ANKRD11: variants seen among roughly 807,000 people sequenced by gnomAD.
The protein encoded by ANKRD11 is ankyrin repeat domain-containing protein 11.
A neutral mutation model predicts 195.7 loss-of-function variants in ANKRD11; 17 were observed. The ratio of observed to expected loss-of-function variants is 0.09; its 90% CI spans 0.06 to 0.13. The LOEUF is 0.13. ANKRD11 is among the 10% of genes least tolerant of loss of function. ANKRD11 has a pLI of 1.00. For missense variants in ANKRD11, 3,735 were observed against 3,566.1 expected (o/e 1.05, Z -1.21); for synonymous variants, 1,953 against 1,528.1 (o/e 1.28, Z -6.49).
At chr16:89,332,890 T>C (rs1290681619) in intron 2 of ANKRD11, among the ~76,000 whole-genome samples, 1 of 152,258 alleles carries the variant, frequency 6.6e-6, no homozygotes, top group Admixed American at 6.5e-5. Flanking sequence ...GCTGCTTTGT[T>C]TTTTAACGCA....
chr16:89,435,914 C>T (rs1481260940), intron 1 of ANKRD11, among the ~76,000 whole-genome samples: 1 of 152,142 alleles, frequency 6.6e-6, no homozygotes, highest in Admixed American at 6.6e-5. Flanking sequence ...GCTGGTGCCG[C>T]CCATCACCTC....
At chr16:89,478,908 C>T (rs191447775) in intron 1 of ANKRD11, among the ~76,000 whole-genome samples, 43 of 152,320 alleles carry the variant, frequency 2.8e-4, no homozygotes, top group African/African-American at 9.9e-4. Context: ...TCACTTGGGC[C>T]CTCCAGACCT....
At chr16:89,364,071 C>CACAA (rs1050741141) in intron 2 of ANKRD11, among the ~76,000 whole-genome samples, 2 of 151,574 alleles carry the variant, frequency 1.3e-5, no homozygotes, top group Non-Finnish European at 2.9e-5. Flanking sequence ...ATTTAAAACA[C>CACAA]ACACACACAC....
chr16:89,447,136 T>G (rs955473097), intron 1 of ANKRD11, among the ~76,000 whole-genome samples: 1 of 151,872 alleles, frequency 6.6e-6, no homozygotes, highest in African/African-American at 2.4e-5. Flanking sequence ...TCGTTCCAAC[T>G]ACAAAGCTCC....
intron 2 of ANKRD11, among the ~76,000 whole-genome samples, chr16:89,390,720 G>GT (rs1473367308): frequency 2.6e-5 from 4 of 152,176 alleles, no homozygotes; most frequent in Non-Finnish European, 5.9e-5. Context: ...GCCAGCACCC[G>GT]TAAGTCCTGC....
rs116417769 is a variant in ANKRD11, at chr16:89,369,913, A to T, written c.-60+48371T>A. On this transcript the variant is annotated intron_variant, in intron 2 of 12. Transcript: ENST00000301030. ...CTCATGTCATCTATGGTTATCTCAG[A>T]AGAAAACAAACAAAAACCAAACACG... 3.7e-3 allele frequency among the ~76,000 whole-genome samples: 567 copies of T among 152,302 alleles called. 2 individuals carry two copies. The highest frequency in any genetic ancestry group is 0.013 in the African/African-American group (547 of 41,552).
chr16:89,276,533 T>A (rs980365449), intron 9 of ANKRD11, among the ~76,000 whole-genome samples: 1 of 152,082 alleles, frequency 6.6e-6, no homozygotes, highest in African/African-American at 2.4e-5. Flanking sequence ...CTAAGAAGCA[T>A]CATCGCAGGC....
intron 2 of ANKRD11, among the ~76,000 whole-genome samples, chr16:89,363,453 T>C (rs529973517): frequency 1.0e-3 from 150 of 149,660 alleles, no homozygotes; most frequent in Middle Eastern, 3.4e-3. Context: ...TGTGCACATG[T>C]ACCCTAAAAG....
intron 9 of ANKRD11, chr16:89,278,627 G>T (rs2033869611): frequency 2.2e-6 from 1 of 460,260 alleles, no homozygotes; most frequent in African/African-American, 2.0e-5. Context: ...GGAGGTGGGG[G>T]AAGGGACTCA....
intron 1 of ANKRD11, among the ~76,000 whole-genome samples, chr16:89,429,145 C>T (rs557288257): frequency 2.1e-5 from 3 of 146,014 alleles, no homozygotes; most frequent in Admixed American, 6.8e-5. Context: ...TCAACTCTCG[C>T]GCTCAGACGT....
intron 1 of ANKRD11, among the ~76,000 whole-genome samples, chr16:89,482,781 A>G (rs1160435812): frequency 6.6e-6 from 1 of 152,156 alleles, no homozygotes; most frequent in Non-Finnish European, 1.5e-5. Context: ...AACAGAGCCG[A>G]GACTCTCCAA....
In ANKRD11 at chr16:89,280,581, G is replaced by A. The variant is rs929624389; in HGVS notation, c.5961C>T (p.Phe1987=). The change falls in exon 9 of 13, where the codon TTC becomes TTT. Residue 1987 remains phenylalanine (F), a synonymous_variant. Transcript: ENST00000301030. ...SDLLLKSPQR[F]PESPKRFCPA... is the part of the protein sequence containing the mutation. Reference sequence around the variant, plus strand: ...GGCAGAAACGCTTTGGGGACTCGGGGAATCTCTGTGGAGACTTCAGCAGGA... The same window carrying A: ...GGCAGAAACGCTTTGGGGACTCGGGAAATCTCTGTGGAGACTTCAGCAGGA... 3.1e-6 allele frequency: 5 copies of A among 1,613,338 alleles called. No homozygotes were observed. The highest frequency in any genetic ancestry group is 2.7e-5 in the African/African-American group (2 of 74,926).
Position 89,412,898 on chromosome 16 carries a change from ACAGCAGAGGTCACAGGT to A in ANKRD11, c.-60+5369_-60+5385del, listed in dbSNP as rs982445316. On this transcript the variant is annotated intron_variant, in intron 2 of 12. Coordinates refer to ENST00000301030, the MANE Select transcript of ANKRD11 (RefSeq NM_013275.6). The stretch of plus-strand genomic sequence containing the variant: ...CTCCCAGGTCAGCAGAGGACAGAGG[ACAGCAGAGGTCACAGGT>A]CAGCAGAGGTCCCAGCACTCAGAGC... Among the ~76,000 whole-genome samples the A allele has an allele frequency of 7.2e-5, 11 of 152,320 alleles. No homozygotes were observed. In the East Asian group the frequency reaches 1.7e-3, roughly 24 times the overall value.
rs551554360 is a variant in ANKRD11, at chr16:89,335,893, G to A, written c.-59-18815C>T. On this transcript the variant is annotated intron_variant, in intron 2 of 12. Coordinates refer to ENST00000301030, the MANE Select transcript of ANKRD11 (RefSeq NM_013275.6). ...GAAACGCAGGGCAGGATCCCCACACGCCAGCAGCTGACTGGCCAGACCCCT... is the reference window on the plus strand; with the variant it reads ...GAAACGCAGGGCAGGATCCCCACACACCAGCAGCTGACTGGCCAGACCCCT... 1.1e-4 allele frequency among the ~76,000 whole-genome samples: 16 copies of A among 152,292 alleles called. 1 individual carries two copies. In the South Asian group the frequency reaches 1.7e-3, roughly 16 times the overall value.
At chr16:89,324,174 C>T (rs778122500) in intron 2 of ANKRD11, 47 of 1,138,792 alleles carry the variant, frequency 4.1e-5, no homozygotes, top group African/African-American at 1.3e-4. Context: ...TCTGTTATCA[C>T]GGCGGGGGGT....
intron 4 of ANKRD11, among the ~76,000 whole-genome samples, chr16:89,302,076 C>T (rs904539892): frequency 6.6e-6 from 1 of 152,214 alleles, no homozygotes; most frequent in Non-Finnish European, 1.5e-5. Flanking sequence ...TGTCAGTTAA[C>T]CCTGCACCAA....
chr16:89,421,081 A>G (rs1423609405), intron 1 of ANKRD11, among the ~76,000 whole-genome samples: 1 of 151,470 alleles, frequency 6.6e-6, no homozygotes, highest in African/African-American at 2.4e-5. Context: ...TCAGGGAGTC[A>G]GGGATGGGAC....
chr16:89,376,745 G>C (rs1037691116), intron 2 of ANKRD11, among the ~76,000 whole-genome samples: 2 of 152,186 alleles, frequency 1.3e-5, no homozygotes, highest in African/African-American at 4.8e-5. Flanking sequence ...GGCCCTGCCT[G>C]AACAGGTTTT....
chr16:89,407,605 G>C (rs1013961289), intron 2 of ANKRD11, among the ~76,000 whole-genome samples: 2 of 152,224 alleles, frequency 1.3e-5, no homozygotes, highest in Non-Finnish European at 2.9e-5. Flanking sequence ...TGGATTGCTT[G>C]AGTTCAGGAG....
Sources: allele counts gnomAD v4.1 joint callset (sites outside exome capture counted in the v4.1 genomes callset), GRCh38; gene constraint gnomAD v4.1.1; transcripts MANE v1.5; gene names NCBI Gene and HGNC (gene_info 2026-07-23, HGNC 2026-07-21).